The following DENND1A variants were observed in gnomAD, a reference collection of about 807,000 sequenced individuals.
DENND1A encodes DENN domain-containing protein 1A.
A neutral mutation model predicts 113.7 loss-of-function variants in DENND1A; 51 were observed. The observed-to-expected ratio is 0.45, with a 90% CI of 0.36 to 0.57. The LOEUF is 0.57. Ranked by LOEUF, DENND1A falls within the 20% of genes least tolerant of loss-of-function variation. The pLI is 0.00. For synonymous variants in DENND1A, 565 were observed against 570.8 expected (o/e 0.99, Z 0.14); for missense variants, 1,258 against 1,395.9 (o/e 0.90, Z 1.57).
chr9:123,666,895 TATA>T, intron 8 of DENND1A, 128 bp downstream of exon 8: 1 of 872,934 alleles, frequency 1.1e-6, no homozygotes, highest in Non-Finnish European at 1.7e-6. Context: ...CTTTTGTTTT[TATA>T]ATGTGTTTTT....
chr9:123,437,387 C>T lies in DENND1A; in HGVS notation c.1488+2973G>A, dbSNP rs1334986167. ...TTGCCAGCCCCCGCTGCAGAGCTGC[C>T]GTCAGAGGTCTCCATGGAGCTGCCC... On this transcript the variant is annotated intron_variant, in intron 19 of 23. Coordinates refer to ENST00000394215, the MANE Select transcript of DENND1A (RefSeq NM_001352964.2). Among the ~76,000 whole-genome samples, 7 of 152,220 alleles carry T rather than the reference C, an allele frequency of 4.6e-5. 1 individual carries two copies. Among genetic ancestry groups the T allele is most frequent in the African/African-American group, 7.2e-5 (3 of 41,460 alleles).
At chr9:123,618,507 AG>A (rs1306175305) in intron 10 of DENND1A, among the ~76,000 whole-genome samples, 4 of 152,100 alleles carry the variant, frequency 2.6e-5, no homozygotes, top group Non-Finnish European at 5.9e-5. Context: ...AGCAGAAACT[AG>A]GGCAGGGGAG....
At position 123,819,253 on chromosome 9, in the gene DENND1A, C is replaced by T. The variant is rs540526958; in HGVS notation, c.89-26623G>A. On this transcript the variant is annotated intron_variant, in intron 2 of 23. Coordinates refer to ENST00000394215, the MANE Select transcript of DENND1A (RefSeq NM_001352964.2). The stretch of plus-strand genomic sequence containing the variant: ...TACACACCATACAAACACATGCACA[C>T]ACACAAAAGTATCCTTCACTATCCA... Among the ~76,000 whole-genome samples, 22 of 152,310 alleles carry T rather than the reference C, an allele frequency of 1.4e-4. 2 individuals are homozygous for T. In the South Asian group the frequency reaches 4.4e-3, roughly 30 times the overall value.
intron 2 of DENND1A, among the ~76,000 whole-genome samples, chr9:123,876,875 C>T (rs1331368018): frequency 2.6e-5 from 4 of 152,090 alleles, no homozygotes; most frequent in Non-Finnish European, 4.4e-5. Flanking sequence ...ACTACTCAGC[C>T]ATAAAAAAGA....
At chr9:123,626,436 T>C (rs1048251170) in intron 10 of DENND1A, among the ~76,000 whole-genome samples, 1 of 151,992 alleles carries the variant, frequency 6.6e-6, no homozygotes, top group African/African-American at 2.4e-5. Flanking sequence ...GTGATGTGTG[T>C]CTCCTTTCTA....
chr9:123,683,813 C>G (rs139720044), intron 5 of DENND1A, among the ~76,000 whole-genome samples: 177 of 152,274 alleles, frequency 1.2e-3, no homozygotes, highest in African/African-American at 4.2e-3. Flanking sequence ...TTCAATAAAT[C>G]ATAGCTTACC....
intron 3 of DENND1A, among the ~76,000 whole-genome samples, chr9:123,791,114 C>T (rs1465157201): frequency 3.3e-5 from 5 of 152,134 alleles, no homozygotes; most frequent in Non-Finnish European, 2.9e-5. Context: ...GGTAACTATG[C>T]TATTTTAAGT....
At chr9:123,911,204 C>T (rs964598748) in intron 1 of DENND1A, among the ~76,000 whole-genome samples, 1 of 152,068 alleles carries the variant, frequency 6.6e-6, no homozygotes, top group South Asian at 2.1e-4. Flanking sequence ...CAGGGAAATG[C>T]AGATTAAAAC....
At chr9:123,800,582 CT>C (rs1415150856) in intron 2 of DENND1A, among the ~76,000 whole-genome samples, 1 of 152,162 alleles carries the variant, frequency 6.6e-6, no homozygotes, top group Non-Finnish European at 1.5e-5. Context: ...GATCTGTCTT[CT>C]AGTCATTACT....
chr9:123,681,608 AG>A (rs778788898), intron 5 of DENND1A, among the ~76,000 whole-genome samples: 3 of 152,218 alleles, frequency 2.0e-5, no homozygotes, highest in Non-Finnish European at 4.4e-5. Context: ...AGTTAGGGAA[AG>A]AATGAGAATG....
intron 5 of DENND1A, among the ~76,000 whole-genome samples, chr9:123,709,174 A>C (rs886459736): frequency 6.6e-6 from 1 of 152,128 alleles, no homozygotes; most frequent in Non-Finnish European, 1.5e-5. Context: ...GAAGGCCTAA[A>C]TGGAGCAGAC....
chr9:123,860,158 G>A (rs1844854229), intron 2 of DENND1A, among the ~76,000 whole-genome samples: 1 of 152,166 alleles, frequency 6.6e-6, no homozygotes, highest in African/African-American at 2.4e-5. Context: ...ACGTTACGTT[G>A]TCTCTGGTCT....
At chr9:123,733,565 G>A (rs1323891385) in intron 5 of DENND1A, among the ~76,000 whole-genome samples, 3 of 151,802 alleles carry the variant, frequency 2.0e-5, no homozygotes, top group African/African-American at 7.3e-5. Flanking sequence ...GAGATTACAG[G>A]CAGGAGCCAT....
intron 1 of DENND1A, among the ~76,000 whole-genome samples, chr9:123,884,177 A>G (rs1041685701): frequency 2.0e-5 from 3 of 152,184 alleles, no homozygotes; most frequent in African/African-American, 7.2e-5. Flanking sequence ...AATTAAGACT[A>G]TAACAATTTC....
intron 1 of DENND1A, among the ~76,000 whole-genome samples, chr9:123,922,726 G>A (rs527872971): frequency 2.0e-5 from 3 of 152,176 alleles, no homozygotes; most frequent in African/African-American, 7.2e-5. Context: ...TGCATACACA[G>A]TTCCCTATAT....
chr9:123,450,452 G>A (rs945933470), intron 18 of DENND1A, among the ~76,000 whole-genome samples: 4 of 152,250 alleles, frequency 2.6e-5, no homozygotes, highest in African/African-American at 9.6e-5. Flanking sequence ...CAGCCCGACA[G>A]TGGCAACTCT....
intron 5 of DENND1A, among the ~76,000 whole-genome samples, chr9:123,716,532 G>A (rs535088762): frequency 6.6e-6 from 1 of 152,276 alleles, no homozygotes; most frequent in African/African-American, 2.4e-5. Flanking sequence ...TTCATTCTCA[G>A]AGTCAATTTA....
intron 4 of DENND1A, among the ~76,000 whole-genome samples, chr9:123,758,217 C>G (rs551515911): frequency 1.3e-5 from 2 of 152,296 alleles, no homozygotes; most frequent in East Asian, 3.9e-4. Flanking sequence ...TTTTAACCCT[C>G]GCGCTGATTC....
intron 8 of DENND1A, among the ~76,000 whole-genome samples, chr9:123,659,052 T>C (rs2063105135): frequency 6.6e-6 from 1 of 152,170 alleles, no homozygotes; most frequent in Admixed American, 6.5e-5. Context: ...AACCATACTA[T>C]AAGGCTGTTG....
Sources: gnomAD v4.1 joint callset for allele counts (sites outside exome capture counted in the v4.1 genomes callset) on GRCh38, gnomAD v4.1.1 for gene constraint, MANE v1.5 for transcripts, NCBI Gene and HGNC (gene_info 2026-07-23, HGNC 2026-07-21) for gene names.